The following IL15 variants were observed in gnomAD, a reference collection of about 807,000 sequenced individuals.
IL15 encodes the protein interleukin-15.
Under a neutral mutation model 19.6 loss-of-function variants are expected in IL15, and 11 were observed. The ratio of observed to expected loss-of-function variants is 0.56; its 90% CI spans 0.35 to 0.93. IL15 has a LOEUF of 0.93. IL15 is among the 40% of genes least tolerant of loss of function. The pLI is 0.01. For synonymous variants in IL15, 58 were observed against 59.6 expected, an observed-to-expected ratio of 0.97 and a Z score of 0.12; for missense variants, 197 against 186.5, an observed-to-expected ratio of 1.06 and a Z score of -0.33.
intron 2 of IL15, among the ~76,000 whole-genome samples, chr4:141,672,430 A>G (rs1028505650): frequency 3.3e-5 from 5 of 152,130 alleles, no homozygotes. Flanking sequence ...TTTTATTTTA[A>G]TCAAGTAGTT....
chr4:141,672,769 G>A (rs1401978050), intron 2 of IL15, among the ~76,000 whole-genome samples: 1 of 152,190 alleles, frequency 6.6e-6, no homozygotes, highest in South Asian at 2.1e-4. Context: ...GTTGATCGTA[G>A]ACTCTAGCTA....
chr4:141,718,659 G>A (rs1297804265), intron 2 of IL15: 3 of 152,114 alleles, frequency 2.0e-5, no homozygotes, highest in Non-Finnish European at 4.4e-5. Context: ...CATCTGAAAA[G>A]TATAATAATT....
chr4:141,708,281 C>G (rs1729592898), intron 2 of IL15, among the ~76,000 whole-genome samples: 1 of 152,140 alleles, frequency 6.6e-6, no homozygotes, highest in South Asian at 2.1e-4. Flanking sequence ...TGCCTATGCT[C>G]TAGGTAGCTG....
rs565531690 is a variant in IL15, at chr4:141,702,562, C to T, written c.-99-16804C>T. Among the ~76,000 whole-genome samples the T allele has an allele frequency of 2.6e-5, 4 of 152,318 alleles. No individual in the cohort carries two copies. In the South Asian group the frequency reaches 6.2e-4, roughly 24 times the overall value. ...ATAGTGAACTTGTCATGTGGACAGA[C>T]TCAGGACCCCTGGATAGCCAGGGTA... On this transcript the variant is annotated intron_variant, in intron 2 of 7. Coordinates refer to ENST00000320650, the MANE Select transcript of IL15 (RefSeq NM_000585.5).
At chr4:141,686,210 G>T (rs941990463) in intron 2 of IL15, among the ~76,000 whole-genome samples, 7 of 151,910 alleles carry the variant, frequency 4.6e-5, no homozygotes, top group African/African-American at 1.7e-4. Context: ...GAGGAGAATC[G>T]CTTGAGCCCC....
chr4:141,678,831 A>G (rs1382735498), intron 2 of IL15, among the ~76,000 whole-genome samples: 4 of 152,058 alleles, frequency 2.6e-5, no homozygotes, highest in Admixed American at 2.6e-4. Flanking sequence ...TGATCTCTTG[A>G]CCTTGTGATC....
chr4:141,643,002 A>G (rs899521195), intron 1 of IL15, among the ~76,000 whole-genome samples: 3 of 152,228 alleles, frequency 2.0e-5, no homozygotes, highest in African/African-American at 7.2e-5. Context: ...GGTAGGAAAC[A>G]TAAGTAATAT....
intron 2 of IL15, chr4:141,716,318 C>T (rs2152188174): frequency 6.6e-6 from 1 of 152,408 alleles, no homozygotes; most frequent in South Asian, 2.1e-4. Flanking sequence ...CCTGGTTGCT[C>T]TCCATGGGCA....
chr4:141,721,786 G>T, intron 4 of IL15, 138 bp from the exon 5 acceptor site: 1 of 746,592 alleles, frequency 1.3e-6, no homozygotes, highest in Non-Finnish European at 2.2e-6. Context: ...TTACAAGGCT[G>T]TTGAATGCAC....
intron 2 of IL15, among the ~76,000 whole-genome samples, chr4:141,694,799 C>G (rs548990109): frequency 8.5e-5 from 13 of 152,304 alleles, no homozygotes; most frequent in Non-Finnish European, 1.3e-4. Context: ...AAACTCTGGA[C>G]TTTTCCCACA....
At chr4:141,652,415 A>G (rs1361460026) in intron 1 of IL15, among the ~76,000 whole-genome samples, 1 of 152,132 alleles carries the variant, frequency 6.6e-6, no homozygotes, top group Non-Finnish European at 1.5e-5. Flanking sequence ...GAGTCCAAAC[A>G]CTGCTAGTTG....
chr4:141,667,427 T>C (rs1298428131), intron 2 of IL15, among the ~76,000 whole-genome samples: 1 of 152,208 alleles, frequency 6.6e-6, no homozygotes, highest in Non-Finnish European at 1.5e-5. Flanking sequence ...ACTGCAGAAC[T>C]GATTGCTTGC....
At chr4:141,713,865 T>G (rs1729787290) in intron 2 of IL15, among the ~76,000 whole-genome samples, 1 of 152,144 alleles carries the variant, frequency 6.6e-6, no homozygotes, top group Non-Finnish European at 1.5e-5. Flanking sequence ...CTCTTCCTTG[T>G]ACTTGCTTGG....
At chr4:141,667,447 A>G (rs899958657) in intron 2 of IL15, among the ~76,000 whole-genome samples, 8 of 152,180 alleles carry the variant, frequency 5.3e-5, no homozygotes, top group African/African-American at 1.9e-4. Flanking sequence ...CTTGTTGGTT[A>G]GGAGAAATCC....
intron 2 of IL15, among the ~76,000 whole-genome samples, chr4:141,699,072 T>C (rs1448250856): frequency 6.6e-6 from 1 of 152,214 alleles, no homozygotes; most frequent in African/African-American, 2.4e-5. Flanking sequence ...TCCATCTTGA[T>C]TTTATTGTTA....
At chr4:141,689,205 G>C (rs946341185) in intron 2 of IL15, among the ~76,000 whole-genome samples, 2 of 152,146 alleles carry the variant, frequency 1.3e-5, no homozygotes, top group African/African-American at 4.8e-5. Flanking sequence ...TAATTGCAAA[G>C]AGCAAAAGAA....
chr4:141,727,775 G>A (rs1462141055), intron 5 of IL15, among the ~76,000 whole-genome samples, 165 bp from the exon 6 acceptor site: 2 of 151,876 alleles, frequency 1.3e-5, no homozygotes, highest in Non-Finnish European at 2.9e-5. Flanking sequence ...TTGTTGAAGG[G>A]TACACAGGAT....
At chr4:141,719,634 T>C (rs1055268564) in intron 3 of IL15, among the ~76,000 whole-genome samples, 158 bp downstream of exon 3, 1 of 152,164 alleles carries the variant, frequency 6.6e-6, no homozygotes, top group African/African-American at 2.4e-5. Flanking sequence ...TGAAAATAAA[T>C]AGGTTTTTAA....
chr4:141,667,552 C>T (rs1180833668), intron 2 of IL15, among the ~76,000 whole-genome samples: 4 of 151,990 alleles, frequency 2.6e-5, no homozygotes, highest in Non-Finnish European at 5.9e-5. Flanking sequence ...TGGTTTAATT[C>T]ATACCTTTTT....
Sources: allele counts gnomAD v4.1 joint callset (sites outside exome capture counted in the v4.1 genomes callset), GRCh38; gene constraint gnomAD v4.1.1; transcripts MANE v1.5; gene names NCBI Gene and HGNC (gene_info 2026-07-23, HGNC 2026-07-21).